The following CALHM4 variants were observed in gnomAD, a reference collection of about 807,000 sequenced individuals.
CALHM4 encodes the protein calcium homeostasis modulator protein 4.
CALHM4 carries 16 observed loss-of-function variants against 13.3 expected under a neutral mutation model. That is an observed-to-expected ratio of 1.20 (90% CI 0.81 to 1.82). The LOEUF is 1.82. Ranked by LOEUF, CALHM4 falls within the 40% of genes most tolerant of loss-of-function variation. The pLI is 0.00. For synonymous variants in CALHM4, 127 were observed against 137.1 expected (o/e 0.93, Z 0.52); for missense variants, 344 against 374.9 (o/e 0.92, Z 0.68).
At chr6:116,552,900 C>T (rs996246660), upstream of CALHM4, among the ~76,000 whole-genome samples, 3 of 152,160 alleles carry the variant, frequency 2.0e-5, no homozygotes, top group Non-Finnish European at 4.4e-5. Context: ...CGGTGAAACC[C>T]TGTCTCTACT....
At chr6:116,545,026 G>C (rs1160608015) in intron 2 of CALHM4, among the ~76,000 whole-genome samples, 1 of 151,636 alleles carries the variant, frequency 6.6e-6, no homozygotes, top group African/African-American at 2.4e-5. Flanking sequence ...AATAAGACTA[G>C]GAAACATTTT....
chr6:116,538,213 G>A (rs1039144106), intron 1 of CALHM4, among the ~76,000 whole-genome samples: 4 of 152,114 alleles, frequency 2.6e-5, no homozygotes, highest in African/African-American at 7.2e-5. Flanking sequence ...TGCCCTCAGC[G>A]CTAATAATAG....
chr6:116,553,671 G>A (rs1438814602), upstream of CALHM4: 6 of 854,740 alleles, frequency 7.0e-6, no homozygotes, highest in South Asian at 1.8e-5. Flanking sequence ...CTTTAAACAT[G>A]TAAGGATGTT....
upstream of CALHM4, among the ~76,000 whole-genome samples, chr6:116,550,132 T>C (rs111263692): frequency 7.3e-5 from 11 of 151,674 alleles, 1 homozygote; most frequent in African/African-American, 2.4e-4. Flanking sequence ...AGACTACAAG[T>C]TGACAATTGC....
rs565671109 is a variant in CALHM4 at position 116,554,219 on chromosome 6, C to T, written c.426C>T (p.Tyr142=). The part of the protein sequence containing the change: ...AASEFASVDH[Y]PMFDNVSASK... ...GTGAATTTGCATCTGTGGACCATTA[C>T]CCAATGTTTGATAATGTCAGTGCCA... Residue 142 remains tyrosine (Y), a synonymous_variant, in exon 1 of 2, where the codon TAC becomes TAT. Transcript: ENST00000368596. The T allele has an allele frequency of 6.4e-7, 1 of 1,550,576 alleles. No individual in the cohort carries two copies. The highest frequency in any genetic ancestry group is 1.2e-5 in the South Asian group (1 of 84,060).
rs565753650 is a variant in CALHM4, at chr6:116,536,997, A to G, written c.-108-6768A>G. Among the ~76,000 whole-genome samples the G allele has an allele frequency of 1.8e-4, 27 of 152,306 alleles. 1 individual carries two copies. The South Asian group carries it at 5.6e-3, about 32-fold the overall frequency. Reference sequence around the variant, plus strand: ...TGGGCAGGTCCATAACTAAAGTCTGACCTTTCATCTTTGTCAAAGTGCTCC... The same window carrying G: ...TGGGCAGGTCCATAACTAAAGTCTGGCCTTTCATCTTTGTCAAAGTGCTCC... On this transcript the variant is annotated intron_variant, in intron 1 of 2. Coordinates refer to the CALHM4 transcript ENST00000368597.
intron 1 of CALHM4, among the ~76,000 whole-genome samples, chr6:116,556,063 G>A (rs1234285692): frequency 6.6e-6 from 1 of 152,188 alleles, no homozygotes; most frequent in African/African-American, 2.4e-5. Context: ...GAGTCCAAAT[G>A]TGTTGAGGTT....
chr6:116,546,138 G>T (rs1249435007), intron 2 of CALHM4, among the ~76,000 whole-genome samples: 2 of 152,148 alleles, frequency 1.3e-5, no homozygotes, highest in African/African-American at 4.8e-5. Context: ...TTCATTAGCA[G>T]CAATCAACAA....
intron 2 of CALHM4, chr6:116,545,642 C>T (rs1383501472): frequency 1.0e-5 from 7 of 684,130 alleles, no homozygotes; most frequent in Admixed American, 6.4e-5. Context: ...AGGAGTGCTG[C>T]TTCTGCACTC....
upstream of CALHM4, among the ~76,000 whole-genome samples, chr6:116,553,111 CAT>C (rs762130301): frequency 2.0e-5 from 3 of 152,192 alleles, no homozygotes; most frequent in Non-Finnish European, 2.9e-5. Context: ...ATCACATTTT[CAT>C]ATAACAAAAA....
At chr6:116,545,492 C>G (rs1773725536) in intron 2 of CALHM4, 6 of 1,548,176 alleles carry the variant, frequency 3.9e-6, no homozygotes, top group Admixed American at 2.0e-5. Context: ...GTATTCTGGT[C>G]TTCGGTGTGC....
chr6:116,534,348 C>T (rs931856234), intron 1 of CALHM4, among the ~76,000 whole-genome samples: 2 of 152,124 alleles, frequency 1.3e-5, no homozygotes, highest in African/African-American at 4.8e-5. Context: ...AATCTATAGC[C>T]CTCATGCTGT....
intron 1 of CALHM4, 59 bp from the exon 2 acceptor site, chr6:116,557,765 GT>G (rs1774392335): frequency 6.5e-7 from 1 of 1,546,804 alleles, no homozygotes; most frequent in Admixed American, 1.9e-5. Context: ...TCCCATGGCT[GT>G]TGCTTGAATA....
chr6:116,544,889 C>A (rs1773679247), intron 2 of CALHM4, among the ~76,000 whole-genome samples: 1 of 151,936 alleles, frequency 6.6e-6, no homozygotes, highest in Admixed American at 6.6e-5. Context: ...TCTGTAGTAT[C>A]TGAGTGACTA....
chr6:116,542,311 T>C (rs1392216602), intron 1 of CALHM4, among the ~76,000 whole-genome samples: 1 of 152,122 alleles, frequency 6.6e-6, no homozygotes, highest in South Asian at 2.1e-4. Flanking sequence ...AAAAAAGTCA[T>C]GTGTACAAAA....
At chr6:116,554,457 C>A in intron 1 of CALHM4, 106 bp downstream of exon 1, 2 of 979,314 alleles carry the variant, frequency 2.0e-6, no homozygotes, top group Non-Finnish European at 2.9e-6. Context: ...GATTATAGAA[C>A]ACAATACTAG....
In CALHM4 at chr6:116,560,184, A is replaced by G. The variant is rs17260290; in HGVS notation, c.*1973A>G. On this transcript the variant is annotated 3_prime_UTR_variant, in exon 2 of 2. Transcript: ENST00000368596. ...TCCTATATAACTGATAATTTTTTAT[A>G]TTCTTCTGTATTGGAACATACTAGT... 0.061 allele frequency among the ~76,000 whole-genome samples: 9,337 copies of G among 152,218 alleles called. 398 individuals are homozygous for G. The highest frequency in any genetic ancestry group is 0.095 in the Admixed American group (1,460 of 15,292).
At chr6:116,533,011 C>A (rs920913853) in intron 1 of CALHM4, among the ~76,000 whole-genome samples, 1 of 152,138 alleles carries the variant, frequency 6.6e-6, no homozygotes, top group Admixed American at 6.5e-5. Context: ...CCTATGAGAC[C>A]CACTGGCAGG....
At chr6:116,532,463 A>T (rs1772802579) in intron 1 of CALHM4, among the ~76,000 whole-genome samples, 1 of 152,196 alleles carries the variant, frequency 6.6e-6, no homozygotes, top group African/African-American at 2.4e-5. Flanking sequence ...ACAGGTGTGG[A>T]TTTACCTGGT....
Sources: gnomAD v4.1 joint callset for allele counts (sites outside exome capture counted in the v4.1 genomes callset) on GRCh38, gnomAD v4.1.1 for gene constraint, MANE v1.5 for transcripts, NCBI Gene and HGNC (gene_info 2026-07-23, HGNC 2026-07-21) for gene names.